The following CDKAL1 variants were observed in gnomAD, a reference collection of about 807,000 sequenced individuals.
CDKAL1 encodes the protein CDKAL1 threonylcarbamoyladenosine tRNA methylthiotransferase.
In CDKAL1, 32 loss-of-function variants were observed where a neutral mutation model predicts 68.2. The ratio of observed to expected loss-of-function variants is 0.47; its 90% confidence interval spans 0.35 to 0.63. CDKAL1 has a LOEUF of 0.63. Among genes scored for constraint, CDKAL1 ranks in the 30% least tolerant of loss-of-function variants. The pLI is 0.00. For synonymous variants in CDKAL1, 234 were observed against 244.3 expected (o/e 0.96, Z 0.39); for missense variants, 606 against 696.7 (o/e 0.87, Z 1.47).
chr6:20,840,644 T>C (rs1277808158), intron 8 of CDKAL1, among the ~76,000 whole-genome samples: 1 of 152,234 alleles, frequency 6.6e-6, no homozygotes, highest in Non-Finnish European at 1.5e-5. Context: ...TATATTCAGC[T>C]AATTTTTCAA....
chr6:21,067,139 A>G (rs994366155), intron 12 of CDKAL1, among the ~76,000 whole-genome samples: 1 of 152,160 alleles, frequency 6.6e-6, no homozygotes, highest in African/African-American at 2.4e-5. Flanking sequence ...TACCAGTCAG[A>G]TCAAGAAATT....
At chr6:20,916,157 T>C (rs574307624) in intron 9 of CDKAL1, among the ~76,000 whole-genome samples, 2 of 152,298 alleles carry the variant, frequency 1.3e-5, no homozygotes, top group South Asian at 2.1e-4. Flanking sequence ...AGAACCACAG[T>C]CCCTTTCTTC....
At chr6:20,596,867 C>T (rs1365666889) in intron 4 of CDKAL1, among the ~76,000 whole-genome samples, 1 of 152,172 alleles carries the variant, frequency 6.6e-6, no homozygotes, top group Non-Finnish European at 1.5e-5. Flanking sequence ...TAGGCACAGT[C>T]CCTCACGGCT....
At chr6:21,050,104 A>T (rs1770461698) in intron 11 of CDKAL1, among the ~76,000 whole-genome samples, 1 of 152,176 alleles carries the variant, frequency 6.6e-6, no homozygotes, top group Non-Finnish European at 1.5e-5. Flanking sequence ...TTTGCTTATT[A>T]AAAGTTTTAT....
rs537805097 is a variant in CDKAL1 at position 20,537,498 on chromosome 6, C to T, written c.-6+2104C>T. Among the ~76,000 whole-genome samples the T allele has an allele frequency of 1.8e-4, 28 of 151,466 alleles. No homozygotes were observed. In the South Asian group the frequency reaches 3.6e-3, roughly 19 times the overall value. On this transcript the variant is annotated intron_variant, in intron 2 of 15. Coordinates refer to ENST00000274695, the MANE Select transcript of CDKAL1 (RefSeq NM_017774.3). ...GCAGGTGCCTGTAATCCCAGCTACT[C>T]GGGAGGCTGAGGCAGGAGAATTGCT...
intron 5 of CDKAL1, among the ~76,000 whole-genome samples, chr6:20,696,742 AG>A (rs1177624821): frequency 3.3e-5 from 5 of 152,224 alleles, no homozygotes; most frequent in Non-Finnish European, 1.5e-5. Context: ...TAGAATTTGA[AG>A]TAAAGCTGAG....
intron 9 of CDKAL1, among the ~76,000 whole-genome samples, chr6:20,884,752 A>AT: frequency 6.6e-6 from 1 of 152,256 alleles, no homozygotes; most frequent in Non-Finnish European, 1.5e-5. Context: ...TAAGAAAGTG[A>AT]TTCCGTTTAC....
chr6:20,613,249 CTTTTT>C (rs71559677), intron 4 of CDKAL1, among the ~76,000 whole-genome samples: 7 of 77,856 alleles, frequency 9.0e-5, no homozygotes, highest in Non-Finnish European at 1.2e-4. Context: ...AAATTTCTTT[CTTTTT>C]TTTTTTTTTT....
intron 4 of CDKAL1, among the ~76,000 whole-genome samples, chr6:20,600,212 G>T (rs1444277609): frequency 2.0e-5 from 3 of 152,002 alleles, no homozygotes; most frequent in Admixed American, 2.0e-4. Context: ...TTTTGTAATG[G>T]CTATGTGGAG....
chr6:20,898,148 T>C (rs1761789653), intron 9 of CDKAL1, among the ~76,000 whole-genome samples: 1 of 152,080 alleles, frequency 6.6e-6, no homozygotes, highest in Non-Finnish European at 1.5e-5. Context: ...GTGGGACTTC[T>C]TGGGCTCTTT....
chr6:20,991,549 A>G (rs1184373724), intron 10 of CDKAL1, among the ~76,000 whole-genome samples: 3 of 151,976 alleles, frequency 2.0e-5, no homozygotes, highest in African/African-American at 2.4e-5. Flanking sequence ...CTCTACTAAA[A>G]TACAAAAATT....
chr6:21,098,085 G>T (rs1175318888), intron 12 of CDKAL1, among the ~76,000 whole-genome samples: 2 of 152,192 alleles, frequency 1.3e-5, no homozygotes, highest in Admixed American at 6.5e-5. Flanking sequence ...TGTCTCACTA[G>T]TATGGTGCCT....
In CDKAL1 at chr6:20,690,262, G is replaced by C. The variant is rs1770812444; in HGVS notation, c.371+40885G>C. ...TATAAGTTGTATATATTTTTTGGCT[G>C]AGTACTTAGATTTTATCCAATTTTT... is the stretch of plus-strand genomic sequence containing the variant. On this transcript the variant is annotated intron_variant, in intron 5 of 15. Transcript: ENST00000274695. 2.0e-5 allele frequency among the ~76,000 whole-genome samples: 3 copies of C among 152,114 alleles called. No homozygotes were observed. The South Asian group carries it at 6.2e-4, about 31-fold the overall frequency.
chr6:20,604,955 A>G (rs1561959401), intron 4 of CDKAL1, among the ~76,000 whole-genome samples: 1 of 152,306 alleles, frequency 6.6e-6, no homozygotes, highest in East Asian at 1.9e-4. Context: ...TCAAGGGGAT[A>G]GTGTTTCCAC....
intron 9 of CDKAL1, among the ~76,000 whole-genome samples, chr6:20,934,127 G>A (rs1038267557): frequency 6.6e-6 from 1 of 152,162 alleles, no homozygotes; most frequent in Non-Finnish European, 1.5e-5. Context: ...CTCAGATTGA[G>A]AGAGCAATAT....
chr6:20,720,349 A>C (rs1237261197), intron 5 of CDKAL1, among the ~76,000 whole-genome samples: 1 of 144,284 alleles, frequency 6.9e-6, no homozygotes, highest in African/African-American at 2.9e-5. Flanking sequence ...TAAACAAGTC[A>C]GAGTGTTTAG....
rs561483566 is a variant in CDKAL1 at position 20,936,501 on chromosome 6, C to T, written c.743-18918C>T. ...TCCTGACCTCGTGATCCGCCCGCCT[C>T]GGCCTCCCAAAGTGCTGGGATTACA... is the stretch of plus-strand genomic sequence containing the variant. On this transcript the variant is annotated intron_variant, in intron 9 of 15. Transcript: ENST00000274695. 9.8e-4 allele frequency among the ~76,000 whole-genome samples: 149 copies of T among 151,516 alleles called. 1 individual carries two copies. The highest frequency in any genetic ancestry group is 1.5e-3 in the Non-Finnish European group (105 of 67,844).
chr6:21,230,998 C>T lies in CDKAL1; in HGVS notation c.1699C>T (p.Leu567=), dbSNP rs768163638. The T allele has an allele frequency of 4.3e-6, 7 of 1,610,326 alleles. No individual in the cohort carries two copies. The African/African-American group carries it at 9.4e-5, about 22-fold the overall frequency. Residue 567 remains leucine, a synonymous_variant, in exon 16 of 16, where the codon CTG becomes TTG. Transcript: ENST00000274695. ...GAGGATGTCCGTGGGCTTGGCTCTG[C>T]TGGGTCTTCTTTTTGCTTTTTTTGT... ...ALRMSVGLAL[L]GLLFAFFVKV...
chr6:20,951,883 C>T (rs1264900865), intron 9 of CDKAL1, among the ~76,000 whole-genome samples: 1 of 151,916 alleles, frequency 6.6e-6, no homozygotes, highest in Non-Finnish European at 1.5e-5. Flanking sequence ...TTTATTTTTA[C>T]AGGCATGGAA....
Sources: gnomAD v4.1 joint callset for allele counts (sites outside exome capture counted in the v4.1 genomes callset) on GRCh38, gnomAD v4.1.1 for gene constraint, MANE v1.5 for transcripts, NCBI Gene and HGNC (gene_info 2026-07-23, HGNC 2026-07-21) for gene names.